The following CCDC102B variants were observed in gnomAD, a reference collection of about 807,000 sequenced individuals.
The protein encoded by CCDC102B is coiled-coil domain-containing protein 102B.
Under a neutral mutation model 57.4 loss-of-function variants are expected in CCDC102B, and 75 were observed. That is an observed-to-expected ratio of 1.31 (90% CI 1.08 to 1.58). CCDC102B has a LOEUF of 1.58. Ranked by LOEUF, CCDC102B falls within the 40% of genes most tolerant of loss-of-function variation. The pLI is 0.00. For synonymous variants in CCDC102B, 206 were observed against 201.9 expected, an observed-to-expected ratio of 1.02 and a Z score of -0.17; for missense variants, 636 against 582.6, an observed-to-expected ratio of 1.09 and a Z score of -0.94.
chr18:69,010,910 G>T, intron 6 of CCDC102B, 24 bp from the exon 7 acceptor site: 9 of 1,537,524 alleles, frequency 5.9e-6, no homozygotes, highest in Non-Finnish European at 7.9e-6. Flanking sequence ...TATAAATAAT[G>T]TAATTTTTGT....
At chr18:68,950,197 T>C (rs1445516385) in intron 6 of CCDC102B, among the ~76,000 whole-genome samples, 1 of 152,140 alleles carries the variant, frequency 6.6e-6, no homozygotes, top group Non-Finnish European at 1.5e-5. Context: ...AATATTTTTA[T>C]CTGATGTAAA....
At chr18:68,914,206 G>A (rs1238114115) in intron 6 of CCDC102B, among the ~76,000 whole-genome samples, 1 of 152,208 alleles carries the variant, frequency 6.6e-6, no homozygotes, top group African/African-American at 2.4e-5. Flanking sequence ...ACTATGTAGA[G>A]TTTGAGACTC....
Position 69,035,442 on chromosome 18 carries a change from A to G in CCDC102B, c.1435-18588A>G, listed in dbSNP as rs58632860. Among the ~76,000 whole-genome samples the G allele has an allele frequency of 7.6e-3, 1,153 of 152,190 alleles. 17 individuals carry two copies. Among genetic ancestry groups the G allele is most frequent in the African/African-American group, 0.026 (1,094 of 41,552 alleles). On this transcript the variant is annotated intron_variant, in intron 7 of 7. Transcript: ENST00000360242. ...TCAGAATCATCATCATGGGTTACAA[A>G]ACTAGAGGACATTATAAGTTTTTGG...
At chr18:68,934,772 T>C (rs938917510) in intron 6 of CCDC102B, among the ~76,000 whole-genome samples, 3 of 152,004 alleles carry the variant, frequency 2.0e-5, no homozygotes, top group South Asian at 2.1e-4. Context: ...ATGATTGTGA[T>C]GTTTATGTAA....
rs552056262 is a variant in CCDC102B, at chr18:68,818,581, C to T, written c.-15-18168C>T. ...AAGGGTAAACACTATTCTGAGTTGT[C>T]GTGAGTAGCTTTTCCTCTTTTTGAA... On this transcript the variant is annotated intron_variant, in intron 1 of 7. Coordinates refer to ENST00000360242, the MANE Select transcript of CCDC102B (RefSeq NM_024781.3). Among the ~76,000 whole-genome samples, 6 of 152,202 alleles carry T rather than the reference C, an allele frequency of 3.9e-5. No individual in the cohort carries two copies. The South Asian group carries it at 1.0e-3, about 26-fold the overall frequency.
At chr18:68,785,434 A>G (rs1189836615) in intron 2 of CCDC102B, among the ~76,000 whole-genome samples, 1 of 152,174 alleles carries the variant, frequency 6.6e-6, no homozygotes, top group Non-Finnish European at 1.5e-5. Context: ...ACTAGTTTAC[A>G]GTCCTACCAA....
intron 6 of CCDC102B, among the ~76,000 whole-genome samples, chr18:68,966,685 G>T (rs972634922): frequency 6.6e-6 from 1 of 152,038 alleles, no homozygotes; most frequent in Non-Finnish European, 1.5e-5. Context: ...TGGTGTTGGG[G>T]GGCAGGAAGT....
intron 2 of CCDC102B, among the ~76,000 whole-genome samples, chr18:68,737,601 C>T (rs1429158548): frequency 2.0e-5 from 3 of 151,824 alleles, no homozygotes; most frequent in African/African-American, 4.8e-5. Flanking sequence ...TTTATTTTGC[C>T]CTTATTAATG....
At chr18:68,905,882 C>T (rs111576200) in intron 6 of CCDC102B, among the ~76,000 whole-genome samples, 1 of 149,398 alleles carries the variant, frequency 6.7e-6, no homozygotes, top group African/African-American at 2.5e-5. Flanking sequence ...CAAGCTCCGC[C>T]TCCCGGGTTC....
chr18:68,728,679 C>T (rs538479753), intron 2 of CCDC102B, among the ~76,000 whole-genome samples: 24 of 152,004 alleles, frequency 1.6e-4, no homozygotes, highest in Non-Finnish European at 1.2e-4. Flanking sequence ...TTATCCTGCT[C>T]GAGATGTTGA....
At chr18:68,747,912 C>T (rs866230852) in intron 2 of CCDC102B, among the ~76,000 whole-genome samples, 1 of 152,122 alleles carries the variant, frequency 6.6e-6, no homozygotes, top group African/African-American at 2.4e-5. Context: ...TATAGTAGCT[C>T]TATTTTTAAT....
chr18:68,984,279 G>T (rs921501868), intron 6 of CCDC102B, among the ~76,000 whole-genome samples: 1 of 151,918 alleles, frequency 6.6e-6, no homozygotes, highest in Non-Finnish European at 1.5e-5. Context: ...TCAAAGTTCT[G>T]GGAGTCTGGC....
At chr18:68,814,065 G>GA (rs1464343570) in intron 1 of CCDC102B, among the ~76,000 whole-genome samples, 1 of 151,998 alleles carries the variant, frequency 6.6e-6, no homozygotes, top group Non-Finnish European at 1.5e-5. Flanking sequence ...GAAAAAATGA[G>GA]AAAAAATGGA....
intron 6 of CCDC102B, among the ~76,000 whole-genome samples, chr18:68,998,271 A>G (rs1200356251): frequency 6.6e-6 from 1 of 151,656 alleles, no homozygotes; most frequent in Non-Finnish European, 1.5e-5. Context: ...TATCTATATT[A>G]TATACATAAT....
chr18:68,727,499 C>T (rs1434042311), intron 2 of CCDC102B, among the ~76,000 whole-genome samples: 1 of 152,192 alleles, frequency 6.6e-6, no homozygotes, highest in South Asian at 2.1e-4. Context: ...TCCGCCATAA[C>T]GTGGAAGTAA....
chr18:68,958,240 G>A (rs993063463), intron 6 of CCDC102B, among the ~76,000 whole-genome samples: 1 of 152,168 alleles, frequency 6.6e-6, no homozygotes, highest in Non-Finnish European at 1.5e-5. Flanking sequence ...GATTTGGGTA[G>A]GGACAGAGCC....
At chr18:68,854,183 C>T (rs1008944625) in intron 4 of CCDC102B, among the ~76,000 whole-genome samples, 3 of 151,810 alleles carry the variant, frequency 2.0e-5, no homozygotes, top group Non-Finnish European at 4.4e-5. Context: ...TCACTTCAAC[C>T]TCCGTCTCCC....
chr18:68,799,821 G>GA lies in CCDC102B; in HGVS notation c.-16+1646dup, dbSNP rs766017073. Among the ~76,000 whole-genome samples, 175 of 152,216 alleles carry GA rather than the reference G, an allele frequency of 1.1e-3. 1 individual carries two copies. Among genetic ancestry groups the GA allele is most frequent in the Non-Finnish European group, 1.8e-3 (119 of 67,980 alleles). The stretch of plus-strand genomic sequence containing the variant: ...GTGAGTAATTTATCTGATTGGAGCA[G>GA]AAAAAATATACCTTTGTGAGTATCA... On this transcript the variant is annotated intron_variant, in intron 1 of 7. Transcript: ENST00000360242.
At chr18:68,934,732 T>C (rs2041786967) in intron 6 of CCDC102B, among the ~76,000 whole-genome samples, 1 of 152,040 alleles carries the variant, frequency 6.6e-6, no homozygotes, top group Admixed American at 6.6e-5. Flanking sequence ...TTGACTTTTT[T>C]TTCAGCAAAT....
Sources: gnomAD v4.1 joint callset for allele counts (sites outside exome capture counted in the v4.1 genomes callset) on GRCh38, gnomAD v4.1.1 for gene constraint, MANE v1.5 for transcripts, NCBI Gene and HGNC (gene_info 2026-07-23, HGNC 2026-07-21) for gene names.